The following LHFPL1 variants were observed in gnomAD, a reference collection of about 807,000 sequenced individuals.
The protein encoded by LHFPL1 is LHFPL tetraspan subfamily member 1.
Under a neutral mutation model 12.1 loss-of-function variants are expected in LHFPL1, and 4 were observed. The observed-to-expected ratio is 0.33, with a 90% CI of 0.16 to 0.76. The LOEUF (loss-of-function observed/expected upper bound fraction) is 0.76. LHFPL1 is among the 30% of genes least tolerant of loss of function. The probability of loss-of-function intolerance (pLI) is 0.61; values close to 1 mark genes in which losing one functional copy is unlikely to be tolerated. For missense variants in LHFPL1, 141 were observed against 174.1 expected (o/e 0.81, Z 1.07); for synonymous variants, 52 against 61.9 (o/e 0.84, Z 0.75).
At chrX:112,649,649 T>C (rs753496880) in intron 3 of LHFPL1, among the ~76,000 whole-genome samples, 5 of 112,274 alleles carry the variant, frequency 4.5e-5, no homozygotes, top group Non-Finnish European at 9.4e-5. Context: ...ATCTTCATTA[T>C]TTTATTTTAC....
intron 3 of LHFPL1, among the ~76,000 whole-genome samples, chrX:112,652,327 G>T (rs752432040): frequency 3.6e-5 from 4 of 111,860 alleles, no homozygotes; most frequent in African/African-American, 6.5e-5. Context: ...AAAGCCTACG[G>T]TGTGTGATCT....
intron 1 of LHFPL1, among the ~76,000 whole-genome samples, chrX:112,672,629 C>A (rs922100901): frequency 2.5e-4 from 28 of 110,138 alleles, no homozygotes; most frequent in African/African-American, 9.0e-4. Flanking sequence ...GTTGGGGGAC[C>A]CAAAGCAGGG....
chrX:112,665,445 C>T (rs1199539408), intron 2 of LHFPL1, among the ~76,000 whole-genome samples: 1 of 111,890 alleles, frequency 8.9e-6, no homozygotes, highest in East Asian at 2.8e-4. Context: ...CCTGCCTCGG[C>T]CTCCCAAAGT....
chrX:112,678,955 A>C (rs73536921), intron 1 of LHFPL1, among the ~76,000 whole-genome samples: 5,750 of 111,877 alleles, frequency 0.051, 376 homozygotes, highest in African/African-American at 0.18. Flanking sequence ...TTTCATTTAT[A>C]AAATGGAAAT....
At chrX:112,648,383 C>A (rs1485483160) in intron 3 of LHFPL1, among the ~76,000 whole-genome samples, 2 of 111,498 alleles carry the variant, frequency 1.8e-5, no homozygotes, top group East Asian at 5.6e-4. Flanking sequence ...ACAAAAATAA[C>A]CAAGTTTACC....
chrX:112,645,252 G>A (rs1408012268), intron 3 of LHFPL1, among the ~76,000 whole-genome samples: 1 of 112,272 alleles, frequency 8.9e-6, no homozygotes, highest in Non-Finnish European at 1.9e-5. Context: ...CCTCATTAAT[G>A]GAGGCTTGCA....
chrX:112,632,804 G>A (rs980824852), intron 3 of LHFPL1, among the ~76,000 whole-genome samples: 13 of 111,729 alleles, frequency 1.2e-4, no homozygotes, highest in South Asian at 3.8e-4. Flanking sequence ...TGGCTGCTTC[G>A]CTTTCCCATT....
At chrX:112,648,632 AACTC>A (rs961180560) in intron 3 of LHFPL1, 1 of 111,928 alleles carries the variant, frequency 8.9e-6, no homozygotes, top group Non-Finnish European at 1.9e-5. Flanking sequence ...AAAAAAAACA[AACTC>A]ACAAAGCTGT....
chrX:112,632,690 T>C lies in LHFPL1; in HGVS notation c.482-1089A>G, dbSNP rs1930224050. Among the ~76,000 whole-genome samples the C allele has an allele frequency of 6.3e-5, 7 of 111,904 alleles. No homozygotes were observed. In the Admixed American group the frequency reaches 6.6e-4, roughly 11 times the overall value. ...TTATTTTTTAAAGGCTAAATTCAAA[T>C]AACTAATTATTTATTTTCACATACT... On this transcript the variant is annotated intron_variant, in intron 3 of 3. Coordinates refer to ENST00000371968, the MANE Select transcript of LHFPL1 (RefSeq NM_178175.4).
At chrX:112,641,333 A>C (rs751066497) in intron 3 of LHFPL1, among the ~76,000 whole-genome samples, 2 of 111,558 alleles carry the variant, frequency 1.8e-5, no homozygotes, top group East Asian at 5.6e-4. Context: ...CAGAGGCAGG[A>C]ATTATTATAG....
intron 2 of LHFPL1, among the ~76,000 whole-genome samples, chrX:112,664,440 G>C (rs1931274263): frequency 8.9e-6 from 1 of 112,005 alleles, no homozygotes; most frequent in African/African-American, 3.2e-5. Context: ...AACAGGGCTT[G>C]ATTCAAAAGC....
intron 3 of LHFPL1, among the ~76,000 whole-genome samples, chrX:112,650,711 T>C (rs1315484661): frequency 9.0e-6 from 1 of 111,516 alleles, no homozygotes. Context: ...TGCTGTCCAA[T>C]ATGGTAGCCA....
At position 112,666,002 on chromosome X, in the gene LHFPL1, A is replaced by G. The variant is rs188817357; in HGVS notation, c.382+5007T>C. Among the ~76,000 whole-genome samples, 154 of 111,970 alleles carry G rather than the reference A, an allele frequency of 1.4e-3. No homozygotes were observed. In the Middle Eastern group the frequency reaches 0.014, roughly 10 times the overall value. ...GTCTTCTGGCAGGGATAACCTCCTC[A>G]TTGGGTATTACCAACTCCCTTTGCA... is the stretch of plus-strand genomic sequence containing the variant. On this transcript the variant is annotated intron_variant, in intron 2 of 3. Transcript: ENST00000371968.
chrX:112,634,476 G>A (rs986902499), intron 3 of LHFPL1, among the ~76,000 whole-genome samples: 7 of 111,647 alleles, frequency 6.3e-5, no homozygotes. Context: ...GTCTAGACAA[G>A]GCATCAGAAC....
chrX:112,665,607 C>T (rs1318305785), intron 2 of LHFPL1, among the ~76,000 whole-genome samples: 3 of 112,012 alleles, frequency 2.7e-5, no homozygotes, highest in Admixed American at 9.4e-5. Flanking sequence ...CCCTACTACA[C>T]GTGGGAAGAT....
At chrX:112,675,633 A>G (rs1480064711) in intron 1 of LHFPL1, among the ~76,000 whole-genome samples, 1 of 112,107 alleles carries the variant, frequency 8.9e-6, no homozygotes, top group African/African-American at 3.2e-5. Flanking sequence ...TTCATTTATG[A>G]CTAGGGTGAC....
chrX:112,646,541 T>G (rs965272557), intron 3 of LHFPL1, among the ~76,000 whole-genome samples: 7 of 110,721 alleles, frequency 6.3e-5, no homozygotes, highest in Non-Finnish European at 1.3e-4. Context: ...CAAAAATTTT[T>G]GTAGATCTTT....
Position 112,679,931 on chromosome X carries a change from T to C in LHFPL1, c.-117A>G, listed in dbSNP as rs1343531772. On this transcript the variant is annotated 5_prime_UTR_variant, in exon 1 of 4. Coordinates refer to ENST00000371968, the MANE Select transcript of LHFPL1 (RefSeq NM_178175.4). ...GTTAGACAAGGATGGGAATACTAGC[T>C]GCCCTTTGCAGTGATGCCTGAAAAC... 4.5e-5 allele frequency: 5 copies of C among 111,957 alleles called. No homozygotes were observed. Among genetic ancestry groups the C allele is most frequent in the African/African-American group, 1.6e-4 (5 of 30,838 alleles). 9.2% of individuals were successfully genotyped at this position (111,957 alleles called of 1,213,427 possible).
intron 2 of LHFPL1, 34 bp downstream of exon 2, chrX:112,670,975 C>T (rs1178334306): frequency 1.7e-6 from 2 of 1,184,139 alleles, no homozygotes; most frequent in South Asian, 1.9e-5. Context: ...CCCAAAGCTA[C>T]CCAACCTACC....
Sources: allele counts gnomAD v4.1 joint callset (sites outside exome capture counted in the v4.1 genomes callset), GRCh38; gene constraint gnomAD v4.1.1; transcripts MANE v1.5; gene names NCBI Gene and HGNC (gene_info 2026-07-23, HGNC 2026-07-21).